Variants in CLN6 observed in about 807,000 individuals in gnomAD.
The protein encoded by CLN6 is ceroid-lipofuscinosis neuronal protein 6.
Under a neutral mutation model 33.3 loss-of-function variants are expected in CLN6, and 22 were observed. The observed-to-expected ratio is 0.66, with a 90% CI of 0.47 to 0.94. The LOEUF is 0.94. Ranked by LOEUF, CLN6 falls within the 40% of genes least tolerant of loss-of-function variation. The pLI is 0.00. For missense variants in CLN6, 387 were observed against 417.1 expected, an observed-to-expected ratio of 0.93 and a Z score of 0.63; for synonymous variants, 201 against 174.6, an observed-to-expected ratio of 1.15 and a Z score of -1.19.
intron 1 of CLN6, among the ~76,000 whole-genome samples, chr15:68,238,692 A>AT (rs1892251166): frequency 6.6e-6 from 1 of 152,214 alleles, no homozygotes; most frequent in Admixed American, 6.5e-5. Context: ...AAACCGAGAG[A>AT]TTTTACCACT....
At chr15:68,218,927 G>A (rs969447093) in intron 1 of CLN6, among the ~76,000 whole-genome samples, 1 of 152,188 alleles carries the variant, frequency 6.6e-6, no homozygotes, top group Non-Finnish European at 1.5e-5. Flanking sequence ...CTGAAAGATG[G>A]AGGAAATCAA....
intron 1 of CLN6, among the ~76,000 whole-genome samples, chr15:68,240,855 G>A (rs28424157): frequency 0.011 from 1,736 of 151,436 alleles, 32 homozygotes; most frequent in African/African-American, 0.04. Context: ...GTGGCGGTGG[G>A]TGCCTGTAAT....
chr15:68,224,939 T>C (rs918184822), intron 1 of CLN6, among the ~76,000 whole-genome samples: 3 of 152,088 alleles, frequency 2.0e-5, no homozygotes, highest in African/African-American at 7.2e-5. Flanking sequence ...ATGGGGACAA[T>C]GACACCACGA....
chr15:68,234,530 T>C (rs919130470), upstream of CLN6, among the ~76,000 whole-genome samples: 1 of 152,144 alleles, frequency 6.6e-6, no homozygotes, highest in Non-Finnish European at 1.5e-5. The surrounding 1 kb of genome is among the most constrained non-coding windows in gnomAD (Gnocchi z 4.1). Flanking sequence ...GATCACTGCC[T>C]TTTACATGTG....
chr15:68,234,996 G>A lies in CLN6; in HGVS notation c.180-16346C>T, dbSNP rs1732095556. ...TGTGCCACTGCACACCAGCCTGGGT[G>A]ACAGAGTGAGATTCTGTCTAAAACA... On this transcript the variant is annotated intron_variant, in intron 1 of 6. Transcript: ENST00000538696. The surrounding 1 kb of genome is among the most constrained non-coding windows in gnomAD (Gnocchi z 4.1). 6.6e-6 allele frequency among the ~76,000 whole-genome samples: 1 copy of A among 152,202 alleles called. No individual in the cohort carries two copies. Among genetic ancestry groups the A allele is most frequent in the African/African-American group, 2.4e-5 (1 of 41,440 alleles).
Position 68,229,432 on chromosome 15 carries a change from T to C in CLN6, c.83+70A>G. 3 of 1,240,038 alleles carry C rather than the reference T, an allele frequency of 2.4e-6. No homozygotes were observed. In the South Asian group the frequency reaches 4.3e-5, roughly 18 times the overall value. 76.8% of individuals were successfully genotyped at this position (1,240,038 alleles called of 1,614,324 possible). A position where few individuals can be genotyped will look rare whatever the true frequency, so the allele number is the denominator to read the frequency against. On this transcript the variant is annotated intron_variant, in intron 1 of 6. Transcript: ENST00000249806. ...TTCCCGCCCGGCAGCCCTAGGAGCG[T>C]CACGTGGCGGGTCCCGAGGCCCCAG...
chr15:68,207,935 ATAG>A lies in CLN6; in HGVS notation c.*202_*204del, dbSNP rs2093192035. 1.6e-6 allele frequency: 1 copy of A among 611,348 alleles called. No homozygotes were observed. Among genetic ancestry groups the A allele is most frequent in the Non-Finnish European group, 2.9e-6 (1 of 345,562 alleles). 37.9% of individuals were successfully genotyped at this position (611,348 alleles called of 1,614,324 possible). A position where few individuals can be genotyped will look rare whatever the true frequency, so the allele number is the denominator to read the frequency against. ...CAAATCAAACAGAAACTTGACGGAA[ATAG>A]TAGAGTCTGAAAATGATGCACTCTG... On this transcript the variant is annotated 3_prime_UTR_variant, in exon 7 of 7. Coordinates refer to ENST00000249806, the MANE Select transcript of CLN6 (RefSeq NM_017882.3).
Position 68,242,357 on chromosome 15 carries a change from G to A in CLN6, c.179+14333C>T, listed in dbSNP as rs145424872. Among the ~76,000 whole-genome samples, 61 of 152,110 alleles carry A rather than the reference G, an allele frequency of 4.0e-4. 1 individual carries two copies. The East Asian group carries it at 9.3e-3, about 23-fold the overall frequency. On this transcript the variant is annotated intron_variant, in intron 1 of 6. Coordinates refer to the CLN6 transcript ENST00000538696. This position sits in a 1 kb window ranked among gnomAD's most constrained non-coding sequence, Gnocchi z 5.0. Reference sequence around the variant, plus strand: ...AAAGAATCCATAATCTCAAAGATAGGCTATTTGAAATTACATAGAGGAGAA... The same window carrying A: ...AAAGAATCCATAATCTCAAAGATAGACTATTTGAAATTACATAGAGGAGAA...
intron 1 of CLN6, among the ~76,000 whole-genome samples, chr15:68,250,667 C>T (rs1002920043): frequency 4.0e-5 from 6 of 150,852 alleles, no homozygotes; most frequent in South Asian, 2.1e-4. Context: ...ATAGTTTTCA[C>T]GCAATTCGTA....
At chr15:68,218,362 C>T (rs2093226277) in intron 2 of CLN6, 174 bp downstream of exon 2, 4 of 571,486 alleles carry the variant, frequency 7.0e-6, no homozygotes, top group Middle Eastern at 9.2e-4. Context: ...CACTTGCTGG[C>T]AGTTGCCTGA....
rs545461494 is a variant in CLN6 at position 68,256,634 on chromosome 15, T to C, written c.179+56A>G. 8.4e-6 allele frequency: 5 copies of C among 594,386 alleles called. No homozygotes were observed. The highest frequency in any genetic ancestry group is 1.5e-5 in the Non-Finnish European group (5 of 331,140). 36.8% of individuals were successfully genotyped at this position (594,386 alleles called of 1,614,324 possible). ...CAGTGCAGTCGCACAGGGCCCCACG[T>C]TCAGAAGGGCTTCGCCCTTGGTTTA... is the stretch of plus-strand genomic sequence containing the variant. On this transcript the variant is annotated intron_variant, in intron 1 of 6. Coordinates refer to the CLN6 transcript ENST00000538696. The surrounding 1 kb of genome is among the most constrained non-coding windows in gnomAD (Gnocchi z 4.1).
At position 68,242,077 on chromosome 15, in the gene CLN6, C is replaced by T. The variant is rs1451461656; in HGVS notation, c.179+14613G>A. On this transcript the variant is annotated intron_variant, in intron 1 of 6. Coordinates refer to the CLN6 transcript ENST00000538696. This position sits in a 1 kb window ranked among gnomAD's most constrained non-coding sequence, Gnocchi z 5.0. ...ACAGGAAACAGGAAACCATGGGCACCCCAAACAGACAAAGCATGGAACCAG... is the reference window on the plus strand; with the variant it reads ...ACAGGAAACAGGAAACCATGGGCACTCCAAACAGACAAAGCATGGAACCAG... 6.6e-6 allele frequency among the ~76,000 whole-genome samples: 1 copy of T among 151,916 alleles called. No individual in the cohort carries two copies. The highest frequency in any genetic ancestry group is 1.5e-5 in the Non-Finnish European group (1 of 67,980).
chr15:68,221,536 A>G (rs1422718715), intron 1 of CLN6, among the ~76,000 whole-genome samples: 1 of 151,886 alleles, frequency 6.6e-6, no homozygotes, highest in Non-Finnish European at 1.5e-5. Flanking sequence ...TCAATGCTCA[A>G]TGTTGCCCAG....
chr15:68,209,827 A>C lies in CLN6; in HGVS notation c.543-68T>G, dbSNP rs1053273542. On this transcript the variant is annotated intron_variant, in intron 5 of 6. Coordinates refer to ENST00000249806, the MANE Select transcript of CLN6 (RefSeq NM_017882.3). The surrounding 1 kb of genome is among the most constrained non-coding windows in gnomAD (Gnocchi z 4.9). Reference sequence around the variant, plus strand: ...CCTCTTCCCCACAACCTCTGCAACCACTCCCATGGGGTCTCATGGAGTGCC... The same window carrying C: ...CCTCTTCCCCACAACCTCTGCAACCCCTCCCATGGGGTCTCATGGAGTGCC... 5.6e-6 allele frequency: 9 copies of C among 1,600,688 alleles called. No individual in the cohort carries two copies. The African/African-American group carries it at 1.2e-4, about 22-fold the overall frequency.
At chr15:68,250,939 G>A (rs1417072944) in intron 1 of CLN6, among the ~76,000 whole-genome samples, 1 of 152,048 alleles carries the variant, frequency 6.6e-6, no homozygotes, top group African/African-American at 2.4e-5. Context: ...CTCTGTATGA[G>A]GTTAGTATAA....
At position 68,209,778 on chromosome 15, in the gene CLN6, T is replaced by C; in HGVS notation, c.543-19A>G. 6.2e-7 allele frequency: 1 copy of C among 1,612,236 alleles called. No individual in the cohort carries two copies. The highest frequency in any genetic ancestry group is 8.5e-7 in the Non-Finnish European group (1 of 1,179,378). On this transcript the variant is annotated intron_variant, in intron 5 of 6. Transcript: ENST00000249806. This position sits in a 1 kb window ranked among gnomAD's most constrained non-coding sequence, Gnocchi z 4.9. ...GATGTACCTGTGACAGGAAGGCCAGTGTCTTAGAGGCCTGCTCAGCGGCCC... is the reference window on the plus strand; with the variant it reads ...GATGTACCTGTGACAGGAAGGCCAGCGTCTTAGAGGCCTGCTCAGCGGCCC...
rs569110130 is a variant in CLN6, at chr15:68,208,859, G to A, written c.666-449C>T. The stretch of plus-strand genomic sequence containing the variant: ...ACCCATTCTTTTTAATCCCCAGAGA[G>A]CATACAGATGAGCCCCAGTGGGCCA... On this transcript the variant is annotated intron_variant, in intron 6 of 6. Coordinates refer to ENST00000249806, the MANE Select transcript of CLN6 (RefSeq NM_017882.3). This position sits in a 1 kb window ranked among gnomAD's most constrained non-coding sequence, Gnocchi z 5.8. Among the ~76,000 whole-genome samples, 1 of 152,324 alleles carries A rather than the reference G, an allele frequency of 6.6e-6. No individual in the cohort carries two copies. The highest frequency in any genetic ancestry group is 6.5e-5 in the Admixed American group (1 of 15,304).
intron 1 of CLN6, among the ~76,000 whole-genome samples, chr15:68,239,320 AAAAATAGACATACCT>A (rs1368198908): frequency 1.3e-5 from 2 of 152,128 alleles, no homozygotes; most frequent in Admixed American, 6.5e-5. Flanking sequence ...AAATTAAAAA[AAAAATAGACATACCT>A]AAAATAAAAG....
intron 2 of CLN6, among the ~76,000 whole-genome samples, chr15:68,215,867 G>A (rs1229401830): frequency 6.6e-6 from 1 of 152,216 alleles, no homozygotes; most frequent in Non-Finnish European, 1.5e-5. Context: ...AGAGAAGAGT[G>A]AAAGGGGTGT....
Sources: gnomAD v4.1 joint callset for allele counts (sites outside exome capture counted in the v4.1 genomes callset) on GRCh38, gnomAD v4.1.1 for gene constraint, Gnocchi (gnomAD v3.1) non-coding constraint, MANE v1.5 for transcripts, NCBI Gene and HGNC (gene_info 2026-07-23, HGNC 2026-07-21) for gene names.